The following ANKRD31 variants were observed in gnomAD, a reference collection of about 807,000 sequenced individuals.
ANKRD31 encodes the protein ankyrin repeat domain 31.
ANKRD31 carries 147 observed loss-of-function variants against 186.0 expected under a neutral mutation model. The observed-to-expected ratio is 0.79, with a 90% CI of 0.69 to 0.91. The LOEUF (loss-of-function observed/expected upper bound fraction) is 0.91. Ranked by LOEUF, ANKRD31 falls within the 40% of genes least tolerant of loss-of-function variation. ANKRD31 has a pLI of 0.00. For missense variants in ANKRD31, 1,986 were observed against 2,148.8 expected (o/e 0.92, Z 1.50); for synonymous variants, 673 against 736.4 (o/e 0.91, Z 1.39).
At position 75,105,018 on chromosome 5, in the gene ANKRD31, T is replaced by C. The variant is rs898021118; in HGVS notation, c.4541A>G (p.Asp1514Gly). 1 of 1,536,684 alleles carries C rather than the reference T, an allele frequency of 6.5e-7. No individual in the cohort carries two copies. Among genetic ancestry groups the C allele is most frequent in the African/African-American group, 1.4e-5 (1 of 72,980 alleles). ...TTCCAGACTAGTGAGCTCTTGGCTG[T>C]CTTTTTCACTAGAGATTTCTGATCT... The part of the protein sequence containing the change: ...PPRSEISSEK[D>G]SQELTSLENL... Residue 1514 changes from aspartate (D) to glycine (G), a missense_variant, in exon 22 of 26, where the codon GAC becomes GGC. Coordinates refer to ENST00000506364, the MANE Select transcript of ANKRD31 (RefSeq NM_001372053.1).
intron 10 of ANKRD31, among the ~76,000 whole-genome samples, chr5:75,171,825 C>A (rs1301074990): frequency 6.6e-6 from 1 of 151,428 alleles, no homozygotes; most frequent in Non-Finnish European, 1.5e-5. Context: ...TGGTTTCACT[C>A]CTAATTCTGT....
intron 21 of ANKRD31, among the ~76,000 whole-genome samples, chr5:75,107,026 G>GTCCT (rs1162491009): frequency 6.6e-6 from 1 of 151,596 alleles, no homozygotes; most frequent in Non-Finnish European, 1.5e-5. Context: ...AAAAAAACAT[G>GTCCT]TAACATTTTT....
In ANKRD31 at chr5:75,136,102, G is replaced by A. The variant is rs181716167; in HGVS notation, c.3876+1754C>T. Among the ~76,000 whole-genome samples the A allele has an allele frequency of 1.0e-3, 157 of 152,190 alleles. 2 individuals are homozygous for A. The highest frequency in any genetic ancestry group is 1.8e-3 in the Non-Finnish European group (121 of 68,016). On this transcript the variant is annotated intron_variant, in intron 17 of 25. Transcript: ENST00000506364. Reference sequence around the variant, plus strand: ...CAATACCATTCAGGACATAGGCATGGGCAAGGACTTCATGACTAAATCACC... The same window carrying A: ...CAATACCATTCAGGACATAGGCATGAGCAAGGACTTCATGACTAAATCACC...
intron 3 of ANKRD31, among the ~76,000 whole-genome samples, chr5:75,216,380 A>C (rs1017661486): frequency 3.9e-5 from 6 of 152,162 alleles, no homozygotes; most frequent in African/African-American, 1.4e-4. Flanking sequence ...TTTTTAAACC[A>C]TGTTCTGAGG....
At position 75,201,361 on chromosome 5, in the gene ANKRD31, T is replaced by C. The variant is rs139439548; in HGVS notation, c.404-1687A>G. Among the ~76,000 whole-genome samples the C allele has an allele frequency of 3.9e-5, 6 of 152,322 alleles. No homozygotes were observed. In the East Asian group the frequency reaches 9.6e-4, roughly 24 times the overall value. On this transcript the variant is annotated intron_variant, in intron 5 of 25. Transcript: ENST00000506364. Reference sequence around the variant, plus strand: ...TGTCAACAAGTGATGACATATTTCATTGTGTGTATCTTACTTAACATTTTA... The same window carrying C: ...TGTCAACAAGTGATGACATATTTCACTGTGTGTATCTTACTTAACATTTTA...
chr5:75,233,067 CT>C (rs112701018), intron 1 of ANKRD31, among the ~76,000 whole-genome samples: 59,201 of 145,996 alleles, frequency 0.41, 14,727 homozygotes, highest in African/African-American at 0.72. Context: ...TTTTCTTTTC[CT>C]TTTTTTTTTT....
chr5:75,085,948 C>T (rs1580293728), intron 23 of ANKRD31, among the ~76,000 whole-genome samples: 2 of 152,268 alleles, frequency 1.3e-5, no homozygotes, highest in Admixed American at 1.3e-4. Flanking sequence ...CCAAACAAAG[C>T]CTGGCAATGA....
intron 1 of ANKRD31, among the ~76,000 whole-genome samples, chr5:75,234,106 T>C (rs1324394406): frequency 6.6e-6 from 1 of 152,226 alleles, no homozygotes; most frequent in African/African-American, 2.4e-5. Flanking sequence ...ATCAATAATT[T>C]AGGGAAGAAT....
chr5:75,182,184 T>C (rs1354942263), intron 10 of ANKRD31, among the ~76,000 whole-genome samples: 1 of 152,202 alleles, frequency 6.6e-6, no homozygotes, highest in East Asian at 1.9e-4. Flanking sequence ...ATATTGTTTC[T>C]TATAGAAGGT....
intron 22 of ANKRD31, among the ~76,000 whole-genome samples, chr5:75,102,059 G>T (rs1169293468): frequency 6.6e-6 from 1 of 152,160 alleles, no homozygotes; most frequent in African/African-American, 2.4e-5. Flanking sequence ...CCATCTTTGT[G>T]GTTTTATCTA....
At chr5:75,178,954 T>C (rs1001091563) in intron 10 of ANKRD31, among the ~76,000 whole-genome samples, 7 of 152,126 alleles carry the variant, frequency 4.6e-5, no homozygotes, top group Non-Finnish European at 1.0e-4. Context: ...AGCTGGTTTT[T>C]TGAAAAGATC....
chr5:75,120,268 A>G (rs1748652562), intron 17 of ANKRD31, among the ~76,000 whole-genome samples: 1 of 152,090 alleles, frequency 6.6e-6, no homozygotes, highest in South Asian at 2.1e-4. Context: ...GGTGGCACAC[A>G]CTTCTAGTCT....
At chr5:75,156,959 T>C (rs1235846989) in intron 11 of ANKRD31, among the ~76,000 whole-genome samples, 2 of 152,176 alleles carry the variant, frequency 1.3e-5, no homozygotes, top group Non-Finnish European at 1.5e-5. Context: ...AGGAAACCTA[T>C]ACAGATTTGG....
chr5:75,212,714 A>G (rs1756729057), intron 3 of ANKRD31, among the ~76,000 whole-genome samples: 1 of 152,212 alleles, frequency 6.6e-6, no homozygotes, highest in African/African-American at 2.4e-5. Context: ...TACACTGATA[A>G]CATGCTTCCA....
At position 75,069,844 on chromosome 5, in the gene ANKRD31, A is replaced by G. The variant is rs567344444; in HGVS notation, c.5648-1180T>C. Among the ~76,000 whole-genome samples the G allele has an allele frequency of 9.1e-4, 138 of 152,280 alleles. No individual in the cohort carries two copies. In the South Asian group the frequency reaches 0.014, roughly 15 times the overall value. On this transcript the variant is annotated intron_variant, in intron 25 of 25. Transcript: ENST00000506364. ...ATTTTTATTGGGTATTTTGGCAAAGAGTCACATACAGAGTCTTCTTTTTTA... is the reference window on the plus strand; with the variant it reads ...ATTTTTATTGGGTATTTTGGCAAAGGGTCACATACAGAGTCTTCTTTTTTA...
intron 4 of ANKRD31, among the ~76,000 whole-genome samples, chr5:75,208,797 T>C (rs1031934278): frequency 1.3e-5 from 2 of 152,198 alleles, no homozygotes; most frequent in Non-Finnish European, 2.9e-5. Flanking sequence ...TTTGGGCATA[T>C]TCATTTCCCC....
intron 2 of ANKRD31, among the ~76,000 whole-genome samples, chr5:75,223,237 T>A (rs899268299): frequency 2.1e-4 from 32 of 152,298 alleles, no homozygotes; most frequent in Non-Finnish European, 4.6e-4. Flanking sequence ...ATATTACAAT[T>A]TCTTAACTGC....
chr5:75,128,058 A>G (rs573187867), intron 17 of ANKRD31, among the ~76,000 whole-genome samples: 36 of 152,324 alleles, frequency 2.4e-4, no homozygotes, highest in African/African-American at 8.7e-4. Flanking sequence ...TATATGAAAC[A>G]AAGAGAGCTT....
At chr5:75,166,556 T>C (rs1487172098) in intron 11 of ANKRD31, among the ~76,000 whole-genome samples, 1 of 152,150 alleles carries the variant, frequency 6.6e-6, no homozygotes. Flanking sequence ...GCCTATTCTT[T>C]CAATATATGT....
Sources: allele counts gnomAD v4.1 joint callset (sites outside exome capture counted in the v4.1 genomes callset), GRCh38; gene constraint gnomAD v4.1.1; transcripts MANE v1.5; gene names NCBI Gene and HGNC (gene_info 2026-07-23, HGNC 2026-07-21).